Variants in ACBD6 observed in about 807,000 individuals in gnomAD.
ACBD6 encodes the protein acyl-CoA binding domain containing 6, also known as acyl-CoA-binding domain-containing protein 6.
A neutral mutation model predicts 37.2 loss-of-function variants in ACBD6; 28 were observed. The observed-to-expected ratio is 0.75, with a 90% CI of 0.56 to 1.03. The LOEUF (loss-of-function observed/expected upper bound fraction) is 1.03, where lower values mean the gene tolerates loss of function less well. ACBD6 is among the 50% of genes least tolerant of loss of function. The pLI, the probability that ACBD6 is intolerant of heterozygous loss-of-function variation, is 0.00. For synonymous variants in ACBD6, 113 were observed against 126.8 expected (o/e 0.89, Z 0.73); for missense variants, 340 against 337.4 (o/e 1.01, Z -0.06).
intron 7 of ACBD6, among the ~76,000 whole-genome samples, chr1:180,294,650 T>C (rs926278693): frequency 3.3e-5 from 5 of 152,152 alleles, no homozygotes; most frequent in African/African-American, 1.2e-4. Context: ...ATAATATCTT[T>C]AGGATATGTA....
intron 6 of ACBD6, among the ~76,000 whole-genome samples, chr1:180,335,579 G>C (rs962152358): frequency 1.3e-5 from 2 of 151,964 alleles, no homozygotes; most frequent in African/African-American, 2.4e-5. Flanking sequence ...AAAGACCATC[G>C]AGGCTATGAA....
intron 6 of ACBD6, among the ~76,000 whole-genome samples, chr1:180,377,004 G>A (rs1258812999): frequency 6.6e-6 from 1 of 152,160 alleles, no homozygotes. Context: ...GAAACCGTAA[G>A]GCTAATGGCA....
At chr1:180,361,265 TTTTTTTTTCC>T (rs1247804505) in intron 6 of ACBD6, among the ~76,000 whole-genome samples, 1 of 114,016 alleles carries the variant, frequency 8.8e-6, no homozygotes, top group Non-Finnish European at 1.7e-5. Flanking sequence ...TACAAGCAAC[TTTTTTTTTCC>T]TTTTTTTTTT....
intron 8 of ACBD6, among the ~76,000 whole-genome samples, chr1:180,282,326 G>A (rs144128846): frequency 7.9e-5 from 12 of 152,200 alleles, no homozygotes; most frequent in Non-Finnish European, 1.6e-4. Context: ...GCTGGGAATT[G>A]CTTTCTGAAA....
At chr1:180,470,452 G>A (rs1368008899) in intron 3 of ACBD6, among the ~76,000 whole-genome samples, 1 of 152,114 alleles carries the variant, frequency 6.6e-6, no homozygotes, top group Non-Finnish European at 1.5e-5. Context: ...ATAAATTATG[G>A]TGCTATAGGA....
chr1:180,470,606 A>G (rs1181603034), intron 3 of ACBD6, among the ~76,000 whole-genome samples: 1 of 152,240 alleles, frequency 6.6e-6, no homozygotes, highest in East Asian at 1.9e-4. Context: ...ATATATTACA[A>G]TATTTCAAAC....
At chr1:180,328,284 T>C (rs1651333145) in intron 6 of ACBD6, among the ~76,000 whole-genome samples, 2 of 151,856 alleles carry the variant, frequency 1.3e-5, no homozygotes, top group East Asian at 3.9e-4. Flanking sequence ...GGTGTGTGTA[T>C]ATATATGTAC....
At chr1:180,414,664 G>A (rs901501191) in intron 4 of ACBD6, among the ~76,000 whole-genome samples, 2 of 152,224 alleles carry the variant, frequency 1.3e-5, no homozygotes, top group South Asian at 2.1e-4. Flanking sequence ...AATCTACACA[G>A]GATTAACATA....
intron 5 of ACBD6, among the ~76,000 whole-genome samples, chr1:180,406,456 A>T (rs1647628804): frequency 6.6e-6 from 1 of 152,130 alleles, no homozygotes; most frequent in Non-Finnish European, 1.5e-5. Context: ...AAAGATGTAC[A>T]CTAGGAATTA....
intron 7 of ACBD6, among the ~76,000 whole-genome samples, chr1:180,306,507 C>T (rs1267059511): frequency 6.6e-6 from 1 of 152,158 alleles, no homozygotes; most frequent in East Asian, 1.9e-4. Flanking sequence ...ATCCCCTTTA[C>T]TAATGCTAGA....
intron 4 of ACBD6, among the ~76,000 whole-genome samples, chr1:180,414,497 T>G (rs1488768421): frequency 6.6e-6 from 1 of 152,230 alleles, no homozygotes; most frequent in Non-Finnish European, 1.5e-5. Context: ...AGACACTACT[T>G]TAGCATCAGC....
chr1:180,288,843 T>C (rs1370438372), intron 7 of ACBD6, among the ~76,000 whole-genome samples: 3 of 152,204 alleles, frequency 2.0e-5, no homozygotes, highest in African/African-American at 7.2e-5. Context: ...AGTATCTATT[T>C]TACTTTGATC....
At chr1:180,275,249 T>C (rs889004628) in exon 10 of ACBD6, 6 of 152,230 alleles carry the variant, frequency 3.9e-5, no homozygotes, top group Non-Finnish European at 5.9e-5. Context: ...TTGACTCTGA[T>C]GGCAAGAGGT....
At chr1:180,282,871 G>A (rs533693917) in intron 8 of ACBD6, among the ~76,000 whole-genome samples, 2 of 152,146 alleles carry the variant, frequency 1.3e-5, no homozygotes, top group East Asian at 3.9e-4. Context: ...TTCTGTATCG[G>A]TAGTTAAAGG....
chr1:180,273,941 C>CA (rs1293177674), exon 11 of ACBD6: 3 of 556,914 alleles, frequency 5.4e-6, no homozygotes, highest in Admixed American at 6.1e-5. Flanking sequence ...GCTCACCAAA[C>CA]ATTTGTCCAT....
At chr1:180,401,237 A>C (rs1279204697) in intron 5 of ACBD6, among the ~76,000 whole-genome samples, 1 of 152,210 alleles carries the variant, frequency 6.6e-6, no homozygotes, top group Non-Finnish European at 1.5e-5. Flanking sequence ...GGAGAAAAAG[A>C]GTTCTCATCT....
chr1:180,478,396 C>T (rs193150089), intron 3 of ACBD6, among the ~76,000 whole-genome samples: 1 of 152,134 alleles, frequency 6.6e-6, no homozygotes, highest in East Asian at 1.9e-4. Flanking sequence ...AACAACAATT[C>T]AATTTATAAT....
chr1:180,455,048 C>T (rs936976319), intron 3 of ACBD6, among the ~76,000 whole-genome samples: 2 of 152,170 alleles, frequency 1.3e-5, no homozygotes, highest in African/African-American at 2.4e-5. Context: ...ATAAATCATG[C>T]TGCTATAAAG....
chr1:180,331,032 G>A (rs1453888676), intron 6 of ACBD6, among the ~76,000 whole-genome samples: 2 of 152,170 alleles, frequency 1.3e-5, no homozygotes, highest in African/African-American at 4.8e-5. Context: ...CCACCCAGGA[G>A]GTTTCTTCTC....
Sources: allele counts gnomAD v4.1 joint callset (sites outside exome capture counted in the v4.1 genomes callset), GRCh38; gene constraint gnomAD v4.1.1; transcripts MANE v1.5; gene names NCBI Gene and HGNC (gene_info 2026-07-23, HGNC 2026-07-21).